Variants in KCNK12 observed in about 807,000 individuals in gnomAD.
The protein encoded by KCNK12 is potassium channel subfamily K member 12.
Under a neutral mutation model 25.3 loss-of-function variants are expected in KCNK12, and 6 were observed. The observed-to-expected ratio is 0.24, with a 90% CI of 0.13 to 0.47. The LOEUF (loss-of-function observed/expected upper bound fraction) is 0.47, where lower values mean the gene tolerates loss of function less well. Ranked by LOEUF, KCNK12 falls within the 20% of genes least tolerant of loss-of-function variation. The pLI, the probability that KCNK12 is intolerant of heterozygous loss-of-function variation, is 0.99. For missense variants in KCNK12, 444 were observed against 661.7 expected (o/e 0.67, Z 3.61); for synonymous variants, 331 against 311.1 (o/e 1.06, Z -0.67).
Position 47,534,527 on chromosome 2 carries a change from G to A in KCNK12, c.392-12719C>T, listed in dbSNP as rs13017722. 7.5e-3 allele frequency among the ~76,000 whole-genome samples: 245 copies of A among 32,680 alleles called. 2 individuals are homozygous for A. The highest frequency in any genetic ancestry group is 0.025 in the African/African-American group (200 of 7,992). 21.4% of individuals were successfully genotyped at this position (32,680 alleles called of 152,430 possible). A position where few individuals can be genotyped will look rare whatever the true frequency, so the allele number is the denominator to read the frequency against. ...ACTGCCCCTTCTAACCCCCCCCCCC[G>A]CCCCCACACACAGAAAGAGCAGAGC... is the stretch of plus-strand genomic sequence containing the variant. On this transcript the variant is annotated intron_variant, in intron 1 of 1. Coordinates refer to ENST00000327876, the MANE Select transcript of KCNK12 (RefSeq NM_022055.2).
chr2:47,542,214 G>A (rs1391787619), intron 1 of KCNK12, among the ~76,000 whole-genome samples: 4 of 152,138 alleles, frequency 2.6e-5, no homozygotes, highest in African/African-American at 9.7e-5. Flanking sequence ...TCTCTCTGAC[G>A]CAGCTCTCCT....
chr2:47,509,345 G>A lies in KCNK12; in HGVS notation c.*11562C>T, dbSNP rs551798225. On this transcript the variant is annotated 3_prime_UTR_variant, in exon 2 of 2. Transcript: ENST00000327876. ...AAACAGGAAACCTGATTCAGGCCAG[G>A]GTCTTGGAAGGTTGTTCAGGATGAG... Among the ~76,000 whole-genome samples, 21 of 152,356 alleles carry A rather than the reference G, an allele frequency of 1.4e-4. No homozygotes were observed. The South Asian group carries it at 4.1e-3, about 30-fold the overall frequency.
rs13430700 is a variant in KCNK12, at chr2:47,557,064, A to T, written c.391+12877T>A. Among the ~76,000 whole-genome samples the T allele has an allele frequency of 8.4e-3, 1,274 of 152,332 alleles. 31 individuals are homozygous for T. Among genetic ancestry groups the T allele is most frequent in the African/African-American group, 0.029 (1,213 of 41,554 alleles). On this transcript the variant is annotated intron_variant, in intron 1 of 1. Transcript: ENST00000327876. This position sits in a 1 kb window ranked among gnomAD's most constrained non-coding sequence, Gnocchi z 4.9. ...GCTGGAGAGGAACTCAGTGAGGCAGACTTCAGTGAATGGGCAGGAGATGCA... is the reference window on the plus strand; with the variant it reads ...GCTGGAGAGGAACTCAGTGAGGCAGTCTTCAGTGAATGGGCAGGAGATGCA...
At position 47,540,294 on chromosome 2, in the gene KCNK12, C is replaced by T. The variant is rs1351984765; in HGVS notation, c.392-18486G>A. ...GTGTGTACTCACAGCTACTCACTTTCCTACTCTGTGCCAGCCATGAGGTGT... is the reference window on the plus strand; with the variant it reads ...GTGTGTACTCACAGCTACTCACTTTTCTACTCTGTGCCAGCCATGAGGTGT... On this transcript the variant is annotated intron_variant, in intron 1 of 1. Transcript: ENST00000327876. The surrounding 1 kb of genome is among the most constrained non-coding windows in gnomAD (Gnocchi z 5.4). 6.6e-6 allele frequency among the ~76,000 whole-genome samples: 1 copy of T among 152,196 alleles called. No individual in the cohort carries two copies. Among genetic ancestry groups the T allele is most frequent in the Non-Finnish European group, 1.5e-5 (1 of 68,028 alleles).
At chr2:47,522,048 G>A (rs551027764) in intron 1 of KCNK12, among the ~76,000 whole-genome samples, 12 of 152,292 alleles carry the variant, frequency 7.9e-5, no homozygotes, top group African/African-American at 2.2e-4. Context: ...TCATCTTGGG[G>A]ACCTATAAAC....
intron 1 of KCNK12, among the ~76,000 whole-genome samples, chr2:47,568,281 G>C (rs1221200115): frequency 6.6e-6 from 1 of 151,000 alleles, no homozygotes; most frequent in Admixed American, 6.6e-5. Flanking sequence ...CTAGGACTAA[G>C]CATCCTTAGT....
At position 47,513,122 on chromosome 2, in the gene KCNK12, A is replaced by G. The variant is rs902209509; in HGVS notation, c.*7785T>C. On this transcript the variant is annotated 3_prime_UTR_variant, in exon 2 of 2. Coordinates refer to ENST00000327876, the MANE Select transcript of KCNK12 (RefSeq NM_022055.2). ...TTGCACTCACTCTTAAGAGAGAGACATGAACTTTTACCAACGGAAGCCAGT... is the reference window on the plus strand; with the variant it reads ...TTGCACTCACTCTTAAGAGAGAGACGTGAACTTTTACCAACGGAAGCCAGT... 1.3e-5 allele frequency: 2 copies of G among 152,280 alleles called. No homozygotes were observed. Among genetic ancestry groups the G allele is most frequent in the African/African-American group, 4.8e-5 (2 of 41,468 alleles). The allele number at this position is 152,280 out of a possible 1,614,324, so 9.4% of individuals were successfully genotyped here.
In KCNK12 at chr2:47,515,523, A is replaced by T. The variant is rs995136332; in HGVS notation, c.*5384T>A. Among the ~76,000 whole-genome samples the T allele has an allele frequency of 6.6e-6, 1 of 152,214 alleles. No individual in the cohort carries two copies. Among genetic ancestry groups the T allele is most frequent in the African/African-American group, 2.4e-5 (1 of 41,456 alleles). On this transcript the variant is annotated 3_prime_UTR_variant, in exon 2 of 2. Coordinates refer to ENST00000327876, the MANE Select transcript of KCNK12 (RefSeq NM_022055.2). ...AAATAGTGCATGATCTGTACAGTAT[A>T]GTTGTAGAAAACTTCTTGTTTTATC...
intron 1 of KCNK12, among the ~76,000 whole-genome samples, chr2:47,549,629 A>G (rs1669382916): frequency 6.6e-6 from 1 of 152,156 alleles, no homozygotes. Context: ...ACCAAGTAGA[A>G]TATCTCGAGA....
At chr2:47,532,342 C>G (rs988498904) in intron 1 of KCNK12, among the ~76,000 whole-genome samples, 1 of 151,812 alleles carries the variant, frequency 6.6e-6, no homozygotes, top group Non-Finnish European at 1.5e-5. Context: ...GCTTTTATTA[C>G]TGCTTTTTTC....
chr2:47,553,296 G>C (rs1364543983), intron 1 of KCNK12, among the ~76,000 whole-genome samples: 1 of 152,240 alleles, frequency 6.6e-6, no homozygotes, highest in Non-Finnish European at 1.5e-5. Context: ...CATGTTGGCA[G>C]TCCTCTTGAA....
rs536589730 is a variant in KCNK12 at position 47,513,491 on chromosome 2, ATCC to A, written c.*7413_*7415del. ...TCCTGTCCCTTAAATGCTGGTTGTG[ATCC>A]TCTTTTTATCTCATTCTACACACTC... On this transcript the variant is annotated 3_prime_UTR_variant, in exon 2 of 2. Coordinates refer to ENST00000327876, the MANE Select transcript of KCNK12 (RefSeq NM_022055.2). Among the ~76,000 whole-genome samples, 391 of 151,592 alleles carry A rather than the reference ATCC, an allele frequency of 2.6e-3. 2 individuals are homozygous for A. Among genetic ancestry groups the A allele is most frequent in the African/African-American group, 8.3e-3 (342 of 41,222 alleles).
At chr2:47,554,950 A>G (rs1669522182) in intron 1 of KCNK12, among the ~76,000 whole-genome samples, 1 of 152,188 alleles carries the variant, frequency 6.6e-6, no homozygotes, top group Non-Finnish European at 1.5e-5. Flanking sequence ...AAAAAAGAGG[A>G]ATCAGGACAA....
chr2:47,542,196 G>A (rs1558557230), intron 1 of KCNK12, among the ~76,000 whole-genome samples: 2 of 152,226 alleles, frequency 1.3e-5, no homozygotes, highest in African/African-American at 4.8e-5. Context: ...TACCACTTCT[G>A]TCGAGGCTCT....
At chr2:47,535,416 G>T (rs1669045368) in intron 1 of KCNK12, among the ~76,000 whole-genome samples, 1 of 152,146 alleles carries the variant, frequency 6.6e-6, no homozygotes, top group African/African-American at 2.4e-5. Flanking sequence ...GTGGTCACTG[G>T]ACTGCGGCTG....
rs1218722029 is a variant in KCNK12 at position 47,538,646 on chromosome 2, C to T, written c.392-16838G>A. The stretch of plus-strand genomic sequence containing the variant: ...ATTAGCCAGGCATGGTGGTGCATGC[C>T]TGTAATCCCAGTTACTTGGAAGGCT... On this transcript the variant is annotated intron_variant, in intron 1 of 1. Transcript: ENST00000327876. This position sits in a 1 kb window ranked among gnomAD's most constrained non-coding sequence, Gnocchi z 4.5. Among the ~76,000 whole-genome samples, 3 of 152,150 alleles carry T rather than the reference C, an allele frequency of 2.0e-5. No individual in the cohort carries two copies. The highest frequency in any genetic ancestry group is 7.2e-5 in the African/African-American group (3 of 41,420).
intron 1 of KCNK12, 107 bp from the exon 2 acceptor site, chr2:47,521,915 C>T: frequency 2.1e-6 from 2 of 938,590 alleles, no homozygotes; most frequent in South Asian, 1.9e-5. Flanking sequence ...TGCGCGGCTC[C>T]TATCTCGAGT....
intron 1 of KCNK12, chr2:47,564,977 G>A (rs1669761469): frequency 6.6e-6 from 1 of 151,918 alleles, no homozygotes; most frequent in African/African-American, 2.4e-5. Context: ...ACATCAGCCT[G>A]GGCAATGTAG....
chr2:47,562,886 T>G lies in KCNK12; in HGVS notation c.391+7055A>C, dbSNP rs1181231844. On this transcript the variant is annotated intron_variant, in intron 1 of 1. Transcript: ENST00000327876. This position sits in a 1 kb window ranked among gnomAD's most constrained non-coding sequence, Gnocchi z 4.8. ...TGGACTCTGCCCAAAGCACCCACCTTGGGCTCCACACACTTTCCGGATTGC... is the reference window on the plus strand; with the variant it reads ...TGGACTCTGCCCAAAGCACCCACCTGGGGCTCCACACACTTTCCGGATTGC... 1 of 232,974 alleles carries G rather than the reference T, an allele frequency of 4.3e-6. No homozygotes were observed. The highest frequency in any genetic ancestry group is 8.5e-6 in the Non-Finnish European group (1 of 118,026). The allele number at this position is 232,974 out of a possible 1,614,324, so 14.4% of individuals were successfully genotyped here.
Sources: allele counts gnomAD v4.1 joint callset (sites outside exome capture counted in the v4.1 genomes callset), GRCh38; gene constraint gnomAD v4.1.1; non-coding constraint Gnocchi (gnomAD v3.1); transcripts MANE v1.5; gene names NCBI Gene and HGNC (gene_info 2026-07-23, HGNC 2026-07-21).